KCNH7: variants seen among roughly 807,000 people sequenced by gnomAD.
KCNH7 encodes potassium voltage-gated channel subfamily H member 7.
A neutral mutation model predicts 120.8 loss-of-function variants in KCNH7; 49 were observed. The ratio of observed to expected loss-of-function variants is 0.41; its 90% CI spans 0.32 to 0.51. The LOEUF (loss-of-function observed/expected upper bound fraction) is 0.51, where lower values mean the gene tolerates loss of function less well. Ranked by LOEUF, KCNH7 falls within the 20% of genes least tolerant of loss-of-function variation. The pLI is 0.38. For synonymous variants in KCNH7, 547 were observed against 516.1 expected (o/e 1.06, Z -0.81); for missense variants, 1,097 against 1,446.6 (o/e 0.76, Z 3.92).
At chr2:162,450,181 A>C (rs185191772) in intron 6 of KCNH7, among the ~76,000 whole-genome samples, 4 of 152,200 alleles carry the variant, frequency 2.6e-5, no homozygotes, top group Admixed American at 2.6e-4. Context: ...CTTGAAAACT[A>C]TACAAATATT....
chr2:162,659,132 G>T (rs1684868460), intron 2 of KCNH7, among the ~76,000 whole-genome samples: 1 of 152,144 alleles, frequency 6.6e-6, no homozygotes, highest in South Asian at 2.1e-4. Flanking sequence ...AGTTGAGGAA[G>T]TTACCTTCTA....
At chr2:162,763,728 AGTGTGTGTGTGTGTGTGTGTGTGTGT>A (rs72350942) in intron 2 of KCNH7, among the ~76,000 whole-genome samples, 2 of 139,240 alleles carry the variant, frequency 1.4e-5, no homozygotes, top group Admixed American at 1.4e-4. Context: ...AGGCATTTGC[AGTGTGTGTGTGTGTGTGTGTGTGTGT>A]GTGTGTGTGT....
intron 2 of KCNH7, among the ~76,000 whole-genome samples, chr2:162,741,842 T>G (rs1423280232): frequency 2.6e-5 from 4 of 152,220 alleles, no homozygotes; most frequent in Non-Finnish European, 5.9e-5. Context: ...ACTGAAACTT[T>G]TTAAATGTTA....
chr2:162,445,635 A>C (rs1448801219), intron 7 of KCNH7, among the ~76,000 whole-genome samples: 2 of 152,194 alleles, frequency 1.3e-5, no homozygotes, highest in African/African-American at 2.4e-5. Flanking sequence ...TGAACAAAAA[A>C]CAAATCTCTG....
rs1331804016 is a variant in KCNH7 at position 162,396,802 on chromosome 2, A to C, written c.2551T>G (p.Phe851Val). 1 of 1,611,774 alleles carries C rather than the reference A, an allele frequency of 6.2e-7. No individual in the cohort carries two copies. The highest frequency in any genetic ancestry group is 1.1e-5 in the South Asian group (1 of 91,028). ...LLEVLDMYPE[F>V]SDHFLTNLEL... ...AGGTTTGTTAGAAAGTGATCAGAAAACTCAGGATACATATCCAAAACCTCT... is the reference window on the plus strand; with the variant it reads ...AGGTTTGTTAGAAAGTGATCAGAAACCTCAGGATACATATCCAAAACCTCT... The change falls in exon 11 of 16, where the codon TTT becomes GTT. Residue 851 changes from phenylalanine to valine, a missense_variant. Transcript: ENST00000332142.
At chr2:162,770,357 TTTTC>T (rs1683000004) in intron 2 of KCNH7, among the ~76,000 whole-genome samples, 1 of 150,726 alleles carries the variant, frequency 6.6e-6, no homozygotes, top group African/African-American at 2.4e-5. Flanking sequence ...TATATACATA[TTTTC>T]TTTAATATTT....
At chr2:162,757,450 C>CT (rs371395641) in intron 2 of KCNH7, among the ~76,000 whole-genome samples, 7 of 152,084 alleles carry the variant, frequency 4.6e-5, no homozygotes, top group African/African-American at 1.2e-4. Flanking sequence ...AATAATATAG[C>CT]TTTTTTTGCT....
At chr2:162,775,914 G>A (rs189850968) in intron 2 of KCNH7, among the ~76,000 whole-genome samples, 78 of 152,286 alleles carry the variant, frequency 5.1e-4, no homozygotes, top group African/African-American at 1.7e-3. Flanking sequence ...CTCTTTACTA[G>A]CTATGTAAAC....
At chr2:162,461,737 G>A (rs1689151649) in intron 6 of KCNH7, among the ~76,000 whole-genome samples, 1 of 152,138 alleles carries the variant, frequency 6.6e-6, no homozygotes, top group Non-Finnish European at 1.5e-5. Flanking sequence ...GAAACCAACT[G>A]TTTTGTAAAA....
At chr2:162,451,608 T>C (rs1324139442) in intron 6 of KCNH7, among the ~76,000 whole-genome samples, 1 of 152,058 alleles carries the variant, frequency 6.6e-6, no homozygotes, top group Non-Finnish European at 1.5e-5. Flanking sequence ...CCAAGAAGGC[T>C]TCATTCACAT....
chr2:162,460,019 G>A (rs187171905), intron 6 of KCNH7, among the ~76,000 whole-genome samples: 10 of 151,270 alleles, frequency 6.6e-5, no homozygotes, highest in Admixed American at 3.3e-4. Flanking sequence ...GCTTGAACCC[G>A]GGAGGTGGAG....
chr2:162,702,537 G>T (rs546774337), intron 2 of KCNH7, among the ~76,000 whole-genome samples: 1 of 152,192 alleles, frequency 6.6e-6, no homozygotes, highest in East Asian at 1.9e-4. Context: ...AAAAATAATT[G>T]CAACAATTAT....
At chr2:162,766,420 G>C (rs1682809201) in intron 2 of KCNH7, among the ~76,000 whole-genome samples, 3 of 152,116 alleles carry the variant, frequency 2.0e-5, no homozygotes, top group East Asian at 3.9e-4. Flanking sequence ...TGGCAATAGA[G>C]TCCCTTTTGT....
intron 6 of KCNH7, among the ~76,000 whole-genome samples, chr2:162,447,487 T>C (rs968454135): frequency 1.3e-5 from 2 of 152,064 alleles, no homozygotes; most frequent in African/African-American, 4.8e-5. Context: ...AAAAGAGCAA[T>C]TTAAAAAGGG....
intron 6 of KCNH7, among the ~76,000 whole-genome samples, chr2:162,457,254 C>CAT (rs1458615501): frequency 6.6e-6 from 1 of 152,016 alleles, no homozygotes; most frequent in African/African-American, 2.4e-5. Flanking sequence ...TTCTCCCACA[C>CAT]ATTTGAGAAA....
chr2:162,718,606 G>A (rs1404820590), intron 2 of KCNH7, among the ~76,000 whole-genome samples: 1 of 151,938 alleles, frequency 6.6e-6, no homozygotes, highest in African/African-American at 2.4e-5. Flanking sequence ...AGTGGCTCTG[G>A]AAGAACTTTC....
intron 2 of KCNH7, among the ~76,000 whole-genome samples, chr2:162,787,681 G>A (rs756370685): frequency 1.3e-5 from 2 of 152,136 alleles, no homozygotes; most frequent in Admixed American, 6.5e-5. Flanking sequence ...GGACCAGCCC[G>A]GCCCCCACTG....
At position 162,690,601 on chromosome 2, in the gene KCNH7, G is replaced by A. The variant is rs184393721; in HGVS notation, c.307+145936C>T. On this transcript the variant is annotated intron_variant, in intron 2 of 15. Coordinates refer to ENST00000332142, the MANE Select transcript of KCNH7 (RefSeq NM_033272.4). ...TTGAGGAGAGTAAAGAGGGTAAGGA[G>A]TATGAGTAAGAGAAGCATTACTATC... is the stretch of plus-strand genomic sequence containing the variant. 1.6e-3 allele frequency among the ~76,000 whole-genome samples: 246 copies of A among 152,230 alleles called. 2 individuals carry two copies. The highest frequency in any genetic ancestry group is 5.7e-3 in the African/African-American group (236 of 41,556).
At chr2:162,396,606 C>T (rs1280096166) in intron 11 of KCNH7, 134 bp downstream of exon 11, 5 of 637,558 alleles carry the variant, frequency 7.8e-6, no homozygotes, top group African/African-American at 3.7e-5. Context: ...ATTCAGTTGG[C>T]CTTTCCTTCC....
Sources: allele counts gnomAD v4.1 joint callset (sites outside exome capture counted in the v4.1 genomes callset), GRCh38; gene constraint gnomAD v4.1.1; transcripts MANE v1.5; gene names NCBI Gene and HGNC (gene_info 2026-07-23, HGNC 2026-07-21).